Variants in SNTG1 observed in about 807,000 individuals in gnomAD.
SNTG1 encodes gamma-1-syntrophin.
Under a neutral mutation model 74.7 loss-of-function variants are expected in SNTG1, and 39 were observed. The observed-to-expected ratio is 0.52, with a 90% CI of 0.40 to 0.68. SNTG1 has a LOEUF of 0.68. SNTG1 is among the 30% of genes least tolerant of loss of function. The pLI, the probability that SNTG1 is intolerant of heterozygous loss-of-function variation, is 0.00. For synonymous variants in SNTG1, 254 were observed against 217.1 expected (o/e 1.17, Z -1.49); for missense variants, 685 against 609.5 (o/e 1.12, Z -1.30).
At chr8:50,426,757 C>T (rs893578035) in intron 4 of SNTG1, among the ~76,000 whole-genome samples, 1 of 152,000 alleles carries the variant, frequency 6.6e-6, no homozygotes, top group African/African-American at 2.4e-5. Context: ...CACTTACTCA[C>T]TGCCTCACCT....
chr8:50,416,979 T>C (rs1433731047), intron 4 of SNTG1, among the ~76,000 whole-genome samples: 1 of 152,176 alleles, frequency 6.6e-6, no homozygotes, highest in Non-Finnish European at 1.5e-5. Flanking sequence ...AAGTGCACTT[T>C]GGACACTATA....
At chr8:50,617,957 T>C (rs1456972727) in intron 13 of SNTG1, among the ~76,000 whole-genome samples, 1 of 152,168 alleles carries the variant, frequency 6.6e-6, no homozygotes, top group East Asian at 1.9e-4. Context: ...GAGGCAGAAA[T>C]TGGGCATAAG....
intron 1 of SNTG1, among the ~76,000 whole-genome samples, chr8:49,995,862 C>G (rs997700078): frequency 6.6e-6 from 1 of 152,166 alleles, no homozygotes; most frequent in African/African-American, 2.4e-5. Flanking sequence ...ATTAGCTGAT[C>G]GCAAGATACT....
chr8:49,987,584 C>T (rs192350525), intron 1 of SNTG1, among the ~76,000 whole-genome samples: 1 of 151,792 alleles, frequency 6.6e-6, no homozygotes, highest in Admixed American at 6.6e-5. Context: ...TGGACGCTAA[C>T]AGCCTGCTAT....
intron 17 of SNTG1, among the ~76,000 whole-genome samples, chr8:50,730,627 A>C (rs1291883819): frequency 3.9e-5 from 6 of 152,202 alleles, no homozygotes; most frequent in Non-Finnish European, 8.8e-5. Context: ...ATCATTATAG[A>C]CATTCATAAG....
intron 13 of SNTG1, among the ~76,000 whole-genome samples, chr8:50,611,978 G>C (rs565102939): frequency 1.3e-5 from 2 of 151,974 alleles, no homozygotes; most frequent in African/African-American, 4.8e-5. Context: ...GGCTGATCTC[G>C]AACTCCTGGG....
At chr8:49,923,114 C>T (rs910122685) in intron 1 of SNTG1, among the ~76,000 whole-genome samples, 2 of 151,980 alleles carry the variant, frequency 1.3e-5, no homozygotes, top group South Asian at 2.1e-4. Context: ...ACCATTCTAC[C>T]GAATAACTCA....
chr8:50,666,701 A>G (rs1586012035), intron 15 of SNTG1, among the ~76,000 whole-genome samples: 1 of 152,112 alleles, frequency 6.6e-6, no homozygotes, highest in South Asian at 2.1e-4. Flanking sequence ...CCTAAAGGCT[A>G]CCAGGCTTGT....
chr8:49,967,586 T>C (rs1294820872), intron 1 of SNTG1, among the ~76,000 whole-genome samples: 1 of 40,320 alleles, frequency 2.5e-5, no homozygotes, highest in Admixed American at 2.6e-4. Flanking sequence ...AATTGGTTAA[T>C]TTGGACAGGA....
intron 2 of SNTG1, among the ~76,000 whole-genome samples, chr8:50,174,469 TAAAC>T (rs1454302535): frequency 7.9e-5 from 12 of 152,308 alleles, no homozygotes; most frequent in Admixed American, 3.3e-4. Context: ...GTAAAAGCGT[TAAAC>T]AGTTACCTTT....
At chr8:50,792,137 A>G (rs2095692702) in intron 18 of SNTG1, among the ~76,000 whole-genome samples, 1 of 151,634 alleles carries the variant, frequency 6.6e-6, no homozygotes, top group Non-Finnish European at 1.5e-5. Context: ...AGCCACAATT[A>G]AAATTAATGC....
chr8:50,138,920 A>G (rs2081569925), intron 1 of SNTG1, among the ~76,000 whole-genome samples: 1 of 152,126 alleles, frequency 6.6e-6, no homozygotes, highest in South Asian at 2.1e-4. Flanking sequence ...TATAAAATTT[A>G]AATTTTATGT....
intron 2 of SNTG1, among the ~76,000 whole-genome samples, chr8:50,350,113 G>T (rs573254248): frequency 6.6e-6 from 1 of 152,142 alleles, no homozygotes; most frequent in Non-Finnish European, 1.5e-5. Flanking sequence ...GCTCACGGGC[G>T]CTGTGCTCGA....
intron 1 of SNTG1, among the ~76,000 whole-genome samples, chr8:50,096,563 C>T (rs1222144188): frequency 2.0e-5 from 3 of 152,056 alleles, no homozygotes; most frequent in African/African-American, 4.8e-5. Context: ...AATATGTTTT[C>T]AAGTGAAGGG....
chr8:50,069,683 C>A (rs1156535593), intron 1 of SNTG1, among the ~76,000 whole-genome samples: 1 of 133,654 alleles, frequency 7.5e-6, no homozygotes, highest in South Asian at 2.6e-4. Context: ...CCTTTTAAAA[C>A]CCCCACTGTG....
chr8:50,568,053 ACTT>A (rs1219647777), intron 12 of SNTG1, among the ~76,000 whole-genome samples: 1 of 151,750 alleles, frequency 6.6e-6, no homozygotes, highest in Non-Finnish European at 1.5e-5. Context: ...TCTACTCTCT[ACTT>A]CTGTGAAAAC....
chr8:50,421,255 A>C (rs557799817), intron 4 of SNTG1, among the ~76,000 whole-genome samples: 1 of 152,248 alleles, frequency 6.6e-6, no homozygotes, highest in East Asian at 1.9e-4. Context: ...TAAAGGAATA[A>C]AAGAATGGTT....
chr8:50,710,187 C>A (rs926302493), intron 17 of SNTG1, among the ~76,000 whole-genome samples: 2 of 152,142 alleles, frequency 1.3e-5, no homozygotes, highest in African/African-American at 4.8e-5. Flanking sequence ...AATTAGACAG[C>A]ACACATTTGC....
At chr8:50,470,261 A>G (rs2093641268) in intron 8 of SNTG1, among the ~76,000 whole-genome samples, 2 of 152,236 alleles carry the variant, frequency 1.3e-5, no homozygotes, top group Admixed American at 1.3e-4. Flanking sequence ...AAGAAATAAG[A>G]GTGAAATGTC....
Sources: allele counts gnomAD v4.1 joint callset (sites outside exome capture counted in the v4.1 genomes callset), GRCh38; gene constraint gnomAD v4.1.1; transcripts MANE v1.5; gene names NCBI Gene and HGNC (gene_info 2026-07-23, HGNC 2026-07-21).